The following ZSCAN25 variants were observed in gnomAD, a reference collection of about 807,000 sequenced individuals.
The protein encoded by ZSCAN25 is zinc finger and SCAN domain-containing protein 25.
In ZSCAN25, 27 loss-of-function variants were observed where a neutral mutation model predicts 38.7. The ratio of observed to expected loss-of-function variants is 0.70; its 90% CI spans 0.51 to 0.96. The LOEUF is 0.96. Among genes scored for constraint, ZSCAN25 ranks in the 40% least tolerant of loss-of-function variants. The pLI is 0.00. For synonymous variants in ZSCAN25, 273 were observed against 277.7 expected, an observed-to-expected ratio of 0.98 and a Z score of 0.17; for missense variants, 637 against 705.9, an observed-to-expected ratio of 0.90 and a Z score of 1.11.
chr7:99,642,358 C>G, the ZSCAN25 span, among the ~76,000 whole-genome samples: 14 of 152,138 alleles, frequency 9.2e-5, no homozygotes, highest in Non-Finnish European at 1.3e-4. Context: ...TGGGAGGAAC[C>G]TCCACCACAT....
the ZSCAN25 span, among the ~76,000 whole-genome samples, chr7:99,646,847 CACACATACAA>C: frequency 6.6e-6 from 1 of 151,276 alleles, no homozygotes; most frequent in Non-Finnish European, 1.5e-5. Context: ...CATGCATGCT[CACACATACAA>C]ACACATATAT....
the ZSCAN25 span, among the ~76,000 whole-genome samples, chr7:99,658,402 T>A: frequency 6.6e-6 from 1 of 152,186 alleles, no homozygotes; most frequent in Admixed American, 6.5e-5. Flanking sequence ...GAATGTTGAA[T>A]ATTGGCCCCC....
At chr7:99,735,645 C>T in the ZSCAN25 span, among the ~76,000 whole-genome samples, 34 of 152,296 alleles carry the variant, frequency 2.2e-4, no homozygotes, top group Admixed American at 2.1e-3. Context: ...CTTTCCTCAC[C>T]AACCCCCTCA....
the ZSCAN25 span, chr7:99,664,031 G>C: frequency 6.2e-7 from 1 of 1,600,016 alleles, no homozygotes; most frequent in Non-Finnish European, 8.5e-7. Flanking sequence ...AAAAATTTAT[G>C]GTATCTTTTG....
At chr7:99,707,896 G>A in the ZSCAN25 span, 1 of 1,614,052 alleles carries the variant, frequency 6.2e-7, no homozygotes, top group Non-Finnish European at 8.5e-7. Flanking sequence ...CAAACCTCAT[G>A]CCAATGCAGT....
At chr7:99,702,780 G>A in the ZSCAN25 span, among the ~76,000 whole-genome samples, 3 of 152,130 alleles carry the variant, frequency 2.0e-5, no homozygotes, top group East Asian at 3.8e-4. Flanking sequence ...CTATTTCTTT[G>A]AAGAATGTAA....
chr7:99,685,085 T>C, the ZSCAN25 span: 3 of 1,277,546 alleles, frequency 2.3e-6, no homozygotes, highest in Non-Finnish European at 3.4e-6. Context: ...TTGAGGTCTC[T>C]GGTGTTCTAG....
chr7:99,735,132 T>C, the ZSCAN25 span: 1 of 1,613,192 alleles, frequency 6.2e-7, no homozygotes, highest in Non-Finnish European at 8.5e-7. Flanking sequence ...CTGAGTCTTT[T>C]TTTCAGCAGC....
chr7:99,679,921 T>G, the ZSCAN25 span: 20 of 1,608,132 alleles, frequency 1.2e-5, no homozygotes, highest in African/African-American at 2.0e-4. Flanking sequence ...TTCAACTGTG[T>G]TCTGTGAGTC....
At chr7:99,634,515 C>T (rs1808189267), downstream of ZSCAN25, among the ~76,000 whole-genome samples, 1 of 147,114 alleles carries the variant, frequency 6.8e-6, no homozygotes, top group Middle Eastern at 3.3e-3. Flanking sequence ...TTTGGCCAGG[C>T]GCGGTGGCTC....
At chr7:99,665,332 T>G in the ZSCAN25 span, 1 of 1,613,828 alleles carries the variant, frequency 6.2e-7, no homozygotes, top group Non-Finnish European at 8.5e-7. Context: ...GAGAAAGATA[T>G]GGAAAATTAA....
chr7:99,670,698 C>G, the ZSCAN25 span, among the ~76,000 whole-genome samples: 1 of 152,170 alleles, frequency 6.6e-6, no homozygotes, highest in South Asian at 2.1e-4. Flanking sequence ...CACAATCACA[C>G]CTTGTTCATG....
At chr7:99,721,743 G>A in the ZSCAN25 span, among the ~76,000 whole-genome samples, 7 of 99,658 alleles carry the variant, frequency 7.0e-5, no homozygotes, top group Non-Finnish European at 1.2e-4. Context: ...ATTATGACAC[G>A]TGTGTGTGTG....
At chr7:99,703,813 C>T in the ZSCAN25 span, among the ~76,000 whole-genome samples, 1 of 152,068 alleles carries the variant, frequency 6.6e-6, no homozygotes, top group Non-Finnish European at 1.5e-5. Flanking sequence ...TAGGCTCTGG[C>T]TGCTCTTGTA....
chr7:99,685,370 G>A, the ZSCAN25 span: 1 of 1,181,814 alleles, frequency 8.5e-7, no homozygotes, highest in Admixed American at 2.0e-5. Context: ...TGGAAATTCA[G>A]GGAGGTAAAG....
the ZSCAN25 span, among the ~76,000 whole-genome samples, chr7:99,685,933 G>A: frequency 3.3e-4 from 50 of 152,206 alleles, no homozygotes; most frequent in South Asian, 8.3e-4. Flanking sequence ...CACATGCATT[G>A]TCTCAGACCC....
At chr7:99,639,113 A>G in the ZSCAN25 span, among the ~76,000 whole-genome samples, 1 of 152,232 alleles carries the variant, frequency 6.6e-6, no homozygotes, top group Non-Finnish European at 1.5e-5. Flanking sequence ...GGCTGTAACA[A>G]TCAAAGATGT....
the ZSCAN25 span, among the ~76,000 whole-genome samples, chr7:99,646,831 C>CACACACAT: frequency 6.6e-6 from 1 of 151,704 alleles, no homozygotes; most frequent in Non-Finnish European, 1.5e-5. Flanking sequence ...CACACACACA[C>CACACACAT]ACACACATGC....
At chr7:99,634,573 A>G (rs976649818), downstream of ZSCAN25, among the ~76,000 whole-genome samples, 7 of 152,214 alleles carry the variant, frequency 4.6e-5, no homozygotes, top group Non-Finnish European at 8.8e-5. Flanking sequence ...GTGGATCACA[A>G]GGTCAGGAGA....
Sources: gnomAD v4.1 joint callset for allele counts (sites outside exome capture counted in the v4.1 genomes callset) on GRCh38, gnomAD v4.1.1 for gene constraint, MANE v1.5 for transcripts, NCBI Gene and HGNC (gene_info 2026-07-23, HGNC 2026-07-21) for gene names.